The following CYP2C19 variants were observed in gnomAD, a reference collection of about 807,000 sequenced individuals.
The protein encoded by CYP2C19 is cytochrome P450 2C19.
Under a neutral mutation model 40.9 loss-of-function variants are expected in CYP2C19, and 59 were observed. The ratio of observed to expected loss-of-function variants is 1.44; its 90% CI spans 1.17 to 1.79. The LOEUF is 1.79. CYP2C19 is among the 40% of genes most tolerant of loss of function. CYP2C19 has a pLI of 0.00. For missense variants in CYP2C19, 754 were observed against 596.9 expected, an observed-to-expected ratio of 1.26 and a Z score of -2.74; for synonymous variants, 253 against 208.7, an observed-to-expected ratio of 1.21 and a Z score of -1.83.
chr10:94,849,230 TA>T (rs1849615892), intron 7 of CYP2C19, among the ~76,000 whole-genome samples: 1 of 152,186 alleles, frequency 6.6e-6, no homozygotes, highest in Non-Finnish European at 1.5e-5. Flanking sequence ...GGACAGGCAC[TA>T]AAGCCCAAGC....
At chr10:94,804,916 G>A (rs1236207317) in intron 5 of CYP2C19, among the ~76,000 whole-genome samples, 1 of 152,048 alleles carries the variant, frequency 6.6e-6, no homozygotes. Context: ...AGTTTTTAGT[G>A]TCAGAGTCTT....
intron 5 of CYP2C19, among the ~76,000 whole-genome samples, chr10:94,817,188 C>T (rs1175566990): frequency 6.8e-6 from 1 of 146,626 alleles, no homozygotes; most frequent in Non-Finnish European, 1.5e-5. Context: ...AGTTTACAGT[C>T]CCACCAACAG....
rs145631808 is a variant in CYP2C19 at position 94,836,383 on chromosome 10, G to A, written c.962-6454G>A. 3.0e-3 allele frequency among the ~76,000 whole-genome samples: 451 copies of A among 151,942 alleles called. 3 individuals carry two copies. The highest frequency in any genetic ancestry group is 0.01 in the African/African-American group (425 of 41,530). On this transcript the variant is annotated intron_variant, in intron 6 of 8. Transcript: ENST00000371321. Reference sequence around the variant, plus strand: ...CCTTGGACCTGTGTAAGGACTCCTAGAGCTATTCCTGTTTTTTTTCTGTGT... The same window carrying A: ...CCTTGGACCTGTGTAAGGACTCCTAAAGCTATTCCTGTTTTTTTTCTGTGT...
At position 94,818,569 on chromosome 10, in the gene CYP2C19, G is replaced by T. The variant is rs1313730385; in HGVS notation, c.820-1927G>T. ...TTTGTATCCTCTTTTATTTCCTTGA[G>T]CAGTGGTTTGTAGTTCTCCTTGAAG... On this transcript the variant is annotated intron_variant, in intron 5 of 8. Transcript: ENST00000371321. Among the ~76,000 whole-genome samples the T allele has an allele frequency of 4.0e-3, 566 of 140,178 alleles. 1 individual carries two copies. The highest frequency in any genetic ancestry group is 0.014 in the African/African-American group (520 of 37,248). The allele number at this position is 140,178 out of a possible 152,430, so 92.0% of individuals were successfully genotyped here. A position where few individuals can be genotyped will look rare whatever the true frequency, so the allele number is the denominator to read the frequency against.
At chr10:94,790,714 GA>G (rs1426988382) in intron 5 of CYP2C19, among the ~76,000 whole-genome samples, 1 of 152,074 alleles carries the variant, frequency 6.6e-6, no homozygotes, top group Non-Finnish European at 1.5e-5. Flanking sequence ...CGTGGTGGAT[GA>G]AGCCAACTTG....
At chr10:94,787,338 T>C (rs1247369149) in intron 5 of CYP2C19, among the ~76,000 whole-genome samples, 1 of 152,084 alleles carries the variant, frequency 6.6e-6, no homozygotes, top group Non-Finnish European at 1.5e-5. Context: ...TTTAATGAAG[T>C]TATTTGTTTT....
chr10:94,779,474 T>A (rs1229439241), intron 3 of CYP2C19, among the ~76,000 whole-genome samples: 1 of 152,014 alleles, frequency 6.6e-6, no homozygotes, highest in Non-Finnish European at 1.5e-5. Flanking sequence ...GGGCATTTAA[T>A]TCCTAGAGAA....
rs775381143 is a variant in CYP2C19, at chr10:94,842,955, C to A, written c.1080C>A (p.Asp360Glu). The A allele has an allele frequency of 1.1e-5, 18 of 1,614,090 alleles. No individual in the cohort carries two copies. The highest frequency in any genetic ancestry group is 1.0e-4 in the Admixed American group (6 of 60,006). The change falls in exon 7 of 9, where the codon GAC becomes GAA. Residue 360 changes from aspartate (D) to glutamate (E), a missense_variant. By Grantham distance (45) the Asp-to-Glu change is conservative. Coordinates refer to ENST00000371321, the MANE Select transcript of CYP2C19 (RefSeq NM_000769.4). The part of the protein sequence containing the change: ...AVVHEVQRYI[D>E]LIPTSLPHAV... ...TGCACGAGGTCCAGAGATACATCGACCTCATCCCCACCAGCCTGCCCCATG... is the reference window on the plus strand; with the variant it reads ...TGCACGAGGTCCAGAGATACATCGAACTCATCCCCACCAGCCTGCCCCATG...
At chr10:94,791,168 G>T (rs1285997423) in intron 5 of CYP2C19, among the ~76,000 whole-genome samples, 2 of 152,104 alleles carry the variant, frequency 1.3e-5, no homozygotes, top group Non-Finnish European at 2.9e-5. Context: ...GGTGTTTATA[G>T]TAATCTCTGA....
rs556007428 is a variant in CYP2C19, at chr10:94,769,364, T to C, written c.169-5694T>C. 3.1e-3 allele frequency among the ~76,000 whole-genome samples: 475 copies of C among 152,298 alleles called. 3 individuals are homozygous for C. Among genetic ancestry groups the C allele is most frequent in the African/African-American group, 0.011 (452 of 41,586 alleles). ...TATCCCTAAACCCTTGGGGCAAGAC[T>C]GTCCACATAAGTTGGGACGTGTGGT... On this transcript the variant is annotated intron_variant, in intron 1 of 8. Transcript: ENST00000371321.
At chr10:94,841,070 G>C (rs1211424115) in intron 6 of CYP2C19, among the ~76,000 whole-genome samples, 2 of 152,156 alleles carry the variant, frequency 1.3e-5, no homozygotes, top group Non-Finnish European at 2.9e-5. Context: ...CCAAGATGGT[G>C]GTGGGCCACT....
intron 6 of CYP2C19, among the ~76,000 whole-genome samples, chr10:94,831,825 T>G (rs747720460): frequency 6.6e-6 from 1 of 152,206 alleles, no homozygotes; most frequent in African/African-American, 2.4e-5. Context: ...ATGAGTAGTT[T>G]GCATATATTT....
intron 5 of CYP2C19, among the ~76,000 whole-genome samples, chr10:94,796,107 T>C (rs1848682304): frequency 6.6e-6 from 1 of 152,212 alleles, no homozygotes; most frequent in Admixed American, 6.5e-5. Context: ...GCCTAGGTTT[T>C]CTTCTAGGGT....
Position 94,853,037 on chromosome 10 carries a change from T to C in CYP2C19, c.*123T>C. 1 of 1,046,908 alleles carries C rather than the reference T, an allele frequency of 9.6e-7. No individual in the cohort carries two copies. Among genetic ancestry groups the C allele is most frequent in the Non-Finnish European group, 1.4e-6 (1 of 718,224 alleles). 64.9% of individuals were successfully genotyped at this position (1,046,908 alleles called of 1,614,324 possible). On this transcript the variant is annotated 3_prime_UTR_variant, in exon 9 of 9. Transcript: ENST00000371321. ...TCTCACATTTTCCCTTCCCCCAAGA[T>C]CTAGTGAACATTCAGCCTCCATTAA... is the stretch of plus-strand genomic sequence containing the variant.
intron 6 of CYP2C19, among the ~76,000 whole-genome samples, chr10:94,828,963 C>A (rs1312296387): frequency 3.3e-5 from 5 of 152,044 alleles, no homozygotes; most frequent in African/African-American, 9.6e-5. Context: ...GTTGAAAATT[C>A]TTTTCTTTAA....
chr10:94,847,391 T>C (rs1849588018), intron 7 of CYP2C19, among the ~76,000 whole-genome samples: 1 of 152,194 alleles, frequency 6.6e-6, no homozygotes, highest in Non-Finnish European at 1.5e-5. Flanking sequence ...TCCATGTCCC[T>C]ACAAAGGACA....
At chr10:94,799,280 A>G (rs1390096281) in intron 5 of CYP2C19, among the ~76,000 whole-genome samples, 2 of 151,754 alleles carry the variant, frequency 1.3e-5, no homozygotes, top group East Asian at 1.9e-4. Flanking sequence ...TTGGCTGGAT[A>G]TGAAATTCTG....
intron 5 of CYP2C19, among the ~76,000 whole-genome samples, chr10:94,817,898 A>G (rs1589365963): frequency 6.6e-6 from 1 of 150,586 alleles, no homozygotes; most frequent in African/African-American, 2.4e-5. Context: ...CTGTAGTCCC[A>G]GCTACTTGGG....
At chr10:94,806,928 GA>G (rs570155538) in intron 5 of CYP2C19, among the ~76,000 whole-genome samples, 189 of 151,942 alleles carry the variant, frequency 1.2e-3, no homozygotes, top group African/African-American at 4.4e-3. Context: ...CTAGCTATTT[GA>G]AAATATACAA....
Sources: gnomAD v4.1 joint callset for allele counts (sites outside exome capture counted in the v4.1 genomes callset) on GRCh38, gnomAD v4.1.1 for gene constraint, MANE v1.5 for transcripts, NCBI Gene and HGNC (gene_info 2026-07-23, HGNC 2026-07-21) for gene names.